The following CEP63 variants were observed in gnomAD, a reference collection of about 807,000 sequenced individuals.
CEP63 encodes the protein centrosomal protein of 63 kDa.
In CEP63, 84 loss-of-function variants were observed where a neutral mutation model predicts 89.1. The ratio of observed to expected loss-of-function variants is 0.94; its 90% CI spans 0.79 to 1.13. The LOEUF (loss-of-function observed/expected upper bound fraction) is 1.13, where lower values mean the gene tolerates loss of function less well. CEP63 is among the 50% of genes most tolerant of loss of function. The probability of loss-of-function intolerance (pLI) is 0.00; values close to 1 mark genes in which losing one functional copy is unlikely to be tolerated. For synonymous variants in CEP63, 267 were observed against 272.5 expected (o/e 0.98, Z 0.20); for missense variants, 838 against 813.3 (o/e 1.03, Z -0.37).
chr3:134,685,546 G>T, the CEP63 span, among the ~76,000 whole-genome samples: 3 of 151,890 alleles, frequency 2.0e-5, no homozygotes, highest in Admixed American at 6.6e-5. Context: ...ATCTCTGTGT[G>T]CCCATCTTTA....
intron 1 of CEP63, among the ~76,000 whole-genome samples, chr3:134,489,860 A>C (rs1395562808): frequency 6.6e-6 from 1 of 152,154 alleles, no homozygotes. Flanking sequence ...GAACTTATAG[A>C]CTTTATATTT....
the CEP63 span, among the ~76,000 whole-genome samples, chr3:134,628,786 G>T: frequency 6.6e-6 from 1 of 152,106 alleles, no homozygotes; most frequent in Non-Finnish European, 1.5e-5. Flanking sequence ...GAGTTCAAAA[G>T]AGGGGTTAGG....
At chr3:134,569,922 A>G (rs950065426), downstream of CEP63, among the ~76,000 whole-genome samples, 4 of 152,178 alleles carry the variant, frequency 2.6e-5, no homozygotes, top group Admixed American at 1.3e-4. Flanking sequence ...TGTCTTCTAC[A>G]CACTTGCAGG....
chr3:134,561,590 T>G lies in CEP63; in HGVS notation c.*55T>G, dbSNP rs1957353308. Reference sequence around the variant, plus strand: ...AAAAATAAACACCAAAGAGTTACTGTCATCTGAAGTAGCAGCTCTTTAAAA... The same window carrying G: ...AAAAATAAACACCAAAGAGTTACTGGCATCTGAAGTAGCAGCTCTTTAAAA... On this transcript the variant is annotated 3_prime_UTR_variant, in exon 15 of 15. Transcript: ENST00000675561. 1 of 1,566,292 alleles carries G rather than the reference T, an allele frequency of 6.4e-7. No homozygotes were observed. The highest frequency in any genetic ancestry group is 8.7e-7 in the Non-Finnish European group (1 of 1,153,788).
chr3:134,658,039 G>A, the CEP63 span, among the ~76,000 whole-genome samples: 6 of 152,278 alleles, frequency 3.9e-5, no homozygotes, highest in East Asian at 1.2e-3. Flanking sequence ...TGGGGCTACA[G>A]GTGTGTGCCA....
At chr3:134,616,274 T>C in the CEP63 span, among the ~76,000 whole-genome samples, 4 of 152,160 alleles carry the variant, frequency 2.6e-5, no homozygotes, top group African/African-American at 9.7e-5. Flanking sequence ...CTGAATGATG[T>C]TGTGAAAATA....
At chr3:134,732,740 A>C in the CEP63 span, among the ~76,000 whole-genome samples, 1 of 152,206 alleles carries the variant, frequency 6.6e-6, no homozygotes, top group East Asian at 1.9e-4. Flanking sequence ...CAAAAACTTA[A>C]AACTGTTTCC....
At chr3:134,701,294 GTGTATATATACGTATATA>G in the CEP63 span, among the ~76,000 whole-genome samples, 9 of 48,470 alleles carry the variant, frequency 1.9e-4, no homozygotes, top group East Asian at 3.9e-3. Context: ...ACGTATATAT[GTGTATATATACGTATATA>G]TGTGTATATA....
At chr3:134,573,548 A>G (rs1276585307) in intron 11 of CEP63, among the ~76,000 whole-genome samples, 4 of 152,174 alleles carry the variant, frequency 2.6e-5, no homozygotes, top group Non-Finnish European at 5.9e-5. Context: ...TTTGTTGAAG[A>G]TCAGATGGCT....
chr3:134,550,907 T>G (rs906520943), intron 11 of CEP63, among the ~76,000 whole-genome samples: 1 of 152,116 alleles, frequency 6.6e-6, no homozygotes. Context: ...AATGGATGAA[T>G]TCTGGAGATA....
the CEP63 span, among the ~76,000 whole-genome samples, chr3:134,596,208 G>A: frequency 6.6e-6 from 1 of 152,096 alleles, no homozygotes; most frequent in Non-Finnish European, 1.5e-5. Flanking sequence ...TCTAGATAAA[G>A]GAAAGAAAAT....
chr3:134,768,940 C>T, the CEP63 span, among the ~76,000 whole-genome samples: 1 of 152,092 alleles, frequency 6.6e-6, no homozygotes, highest in Admixed American at 6.6e-5. Flanking sequence ...CTGGTTCTCT[C>T]TGGGATCAGA....
chr3:134,772,818 C>T, the CEP63 span, among the ~76,000 whole-genome samples: 1 of 152,280 alleles, frequency 6.6e-6, no homozygotes, highest in East Asian at 1.9e-4. Flanking sequence ...GCTTGGCTGC[C>T]ACAGGAGCTG....
chr3:134,779,756 G>A, the CEP63 span: 1 of 152,110 alleles, frequency 6.6e-6, no homozygotes, highest in Non-Finnish European at 1.5e-5. Flanking sequence ...AAAATGTGGT[G>A]GTGAGCCAAC....
chr3:134,608,077 C>T, the CEP63 span: 22 of 1,106,340 alleles, frequency 2.0e-5, no homozygotes, highest in Non-Finnish European at 2.4e-5. Context: ...GGTGGGACTG[C>T]CCCCACCTGT....
chr3:134,565,794 A>G (rs1957730538), downstream of CEP63, among the ~76,000 whole-genome samples: 2 of 151,842 alleles, frequency 1.3e-5, no homozygotes, highest in African/African-American at 2.4e-5. Context: ...AAAAAAAATC[A>G]TAGACTTAAG....
At chr3:134,680,346 T>A in the CEP63 span, among the ~76,000 whole-genome samples, 5 of 152,228 alleles carry the variant, frequency 3.3e-5, no homozygotes, top group Non-Finnish European at 5.9e-5. Context: ...TTATGACCAC[T>A]GTTAAGTTCA....
At chr3:134,777,120 T>A in the CEP63 span, among the ~76,000 whole-genome samples, 2 of 152,232 alleles carry the variant, frequency 1.3e-5, no homozygotes, top group African/African-American at 4.8e-5. Flanking sequence ...ATTGCATTAT[T>A]GAGTCCTCAG....
chr3:134,714,432 T>A, the CEP63 span, among the ~76,000 whole-genome samples: 1 of 152,208 alleles, frequency 6.6e-6, no homozygotes, highest in Non-Finnish European at 1.5e-5. Flanking sequence ...TCCCATCTTG[T>A]GTCCACTGGT....
Sources: allele counts gnomAD v4.1 joint callset (sites outside exome capture counted in the v4.1 genomes callset), GRCh38; gene constraint gnomAD v4.1.1; transcripts MANE v1.5; gene names NCBI Gene and HGNC (gene_info 2026-07-23, HGNC 2026-07-21).